CEP112: variants seen among roughly 807,000 people sequenced by gnomAD.
CEP112 encodes the protein centrosomal protein 112.
In CEP112, 127 loss-of-function variants were observed where a neutral mutation model predicts 153.0. That is an observed-to-expected ratio of 0.83 (90% CI 0.72 to 0.96). The LOEUF is 0.96. Among genes scored for constraint, CEP112 ranks in the 40% least tolerant of loss-of-function variants. The probability of loss-of-function intolerance (pLI) is 0.00; values close to 1 mark genes in which losing one functional copy is unlikely to be tolerated. For synonymous variants in CEP112, 358 were observed against 374.4 expected (o/e 0.96, Z 0.51); for missense variants, 1,089 against 1,101.2 (o/e 0.99, Z 0.16).
intron 21 of CEP112, among the ~76,000 whole-genome samples, chr17:65,752,470 T>A (rs2051939847): frequency 6.6e-6 from 1 of 152,190 alleles, no homozygotes; most frequent in Admixed American, 6.5e-5. Flanking sequence ...CAGAAGGGCA[T>A]CAAGGTGTTC....
In CEP112 at chr17:65,729,942, AACAAACAG is replaced by A. The variant is rs1300979924; in HGVS notation, c.2607+13118_2607+13125del. ...AAACAAACAAACAAACAAACAAACA[AACAAACAG>A]AAAAACCAATTAACCATATATAGTC... is the stretch of plus-strand genomic sequence containing the variant. On this transcript the variant is annotated intron_variant, in intron 23 of 26. Coordinates refer to ENST00000535342, the MANE Select transcript of CEP112 (RefSeq NM_001199165.4). Among the ~76,000 whole-genome samples the A allele has an allele frequency of 1.8e-3, 233 of 127,632 alleles. 1 individual carries two copies. The highest frequency in any genetic ancestry group is 3.2e-3 in the Admixed American group (40 of 12,320). The allele number at this position is 127,632 out of a possible 152,430, so 83.7% of individuals were successfully genotyped here.
chr17:65,787,071 T>C (rs985059567), intron 21 of CEP112, among the ~76,000 whole-genome samples: 6 of 152,240 alleles, frequency 3.9e-5, no homozygotes, highest in East Asian at 1.9e-4. Flanking sequence ...AGTCTATCTA[T>C]ACTTGTACCA....
At chr17:66,009,294 C>A (rs996882353) in intron 16 of CEP112, among the ~76,000 whole-genome samples, 2 of 150,370 alleles carry the variant, frequency 1.3e-5, no homozygotes, top group African/African-American at 4.9e-5. Context: ...TTTGCCTTTC[C>A]CTGATGATTA....
At chr17:66,154,870 ATTAAGAGGTGTGACCT>A (rs943757521) in intron 4 of CEP112, among the ~76,000 whole-genome samples, 12 of 152,218 alleles carry the variant, frequency 7.9e-5, no homozygotes, top group African/African-American at 2.9e-4. Context: ...TTATAACAAT[ATTAAGAGGTGTGACCT>A]TTAAGAGGTA....
intron 10 of CEP112, 57 bp downstream of exon 10, chr17:66,066,721 A>G: frequency 8.4e-7 from 1 of 1,195,708 alleles, no homozygotes; most frequent in South Asian, 1.7e-5. Flanking sequence ...TTTTCTCCAC[A>G]TCACTAAAAT....
intron 23 of CEP112, among the ~76,000 whole-genome samples, chr17:65,721,947 A>G (rs1465574098): frequency 6.6e-6 from 1 of 152,214 alleles, no homozygotes; most frequent in Non-Finnish European, 1.5e-5. Flanking sequence ...CCACTCTAAA[A>G]GCCAAGGGAA....
rs1184783326 is a variant in CEP112 at position 65,660,823 on chromosome 17, C to A, written c.2698-19758G>T. Among the ~76,000 whole-genome samples, 6 of 152,246 alleles carry A rather than the reference C, an allele frequency of 3.9e-5. No homozygotes were observed. In the East Asian group the frequency reaches 1.2e-3, roughly 30 times the overall value. On this transcript the variant is annotated intron_variant, in intron 24 of 26. Transcript: ENST00000535342. Reference sequence around the variant, plus strand: ...GCAATCCACCCACTTTGGCTTCCCACAGCGCCGCCTGGCCATACCTTGATT... The same window carrying A: ...GCAATCCACCCACTTTGGCTTCCCAAAGCGCCGCCTGGCCATACCTTGATT...
chr17:65,731,858 G>C (rs531522180), intron 23 of CEP112, among the ~76,000 whole-genome samples: 1 of 152,104 alleles, frequency 6.6e-6, no homozygotes, highest in Non-Finnish European at 1.5e-5. Context: ...CAATTCGGTC[G>C]CATCTTTAGG....
chr17:65,981,652 G>A (rs991107339), intron 17 of CEP112, among the ~76,000 whole-genome samples: 1 of 152,080 alleles, frequency 6.6e-6, no homozygotes, highest in Non-Finnish European at 1.5e-5. Context: ...TCAGCTCATT[G>A]CAGCCTCCAC....
chr17:66,128,442 C>T lies in CEP112; in HGVS notation c.642+1304G>A, dbSNP rs73992246. 9.3e-3 allele frequency among the ~76,000 whole-genome samples: 1,418 copies of T among 152,052 alleles called. 19 individuals carry two copies. Among genetic ancestry groups the T allele is most frequent in the African/African-American group, 0.031 (1,295 of 41,496 alleles). On this transcript the variant is annotated intron_variant, in intron 6 of 26. Coordinates refer to ENST00000535342, the MANE Select transcript of CEP112 (RefSeq NM_001199165.4). ...CCACCAAGTCAATTTCCCTAAAGCA[C>T]TGCTTTCATTAAAGACCATTATTAG... is the stretch of plus-strand genomic sequence containing the variant.
chr17:65,728,170 T>G (rs1214090673), intron 23 of CEP112, among the ~76,000 whole-genome samples: 4 of 152,236 alleles, frequency 2.6e-5, no homozygotes, highest in Non-Finnish European at 5.9e-5. Context: ...TTTGGCCCTT[T>G]ACAGAACAAG....
chr17:66,135,902 T>C (rs2070412866), intron 4 of CEP112, among the ~76,000 whole-genome samples: 1 of 152,094 alleles, frequency 6.6e-6, no homozygotes, highest in Non-Finnish European at 1.5e-5. Context: ...CAATCAAATG[T>C]CCTCCTGTAA....
intron 24 of CEP112, among the ~76,000 whole-genome samples, chr17:65,658,375 T>C (rs2143769188): frequency 6.6e-6 from 1 of 152,306 alleles, no homozygotes; most frequent in South Asian, 2.1e-4. Flanking sequence ...TCTGAGGTGA[T>C]GGCTATGGGA....
chr17:66,053,679 G>A (rs1417026526), intron 12 of CEP112, 57 bp downstream of exon 12: 13 of 1,541,798 alleles, frequency 8.4e-6, no homozygotes, highest in Non-Finnish European at 8.9e-6. Flanking sequence ...GAAACATGAG[G>A]ACATGGAAAT....
At chr17:66,149,683 G>A (rs767904546) in intron 4 of CEP112, among the ~76,000 whole-genome samples, 102 of 151,860 alleles carry the variant, frequency 6.7e-4, no homozygotes, top group Non-Finnish European at 1.0e-3. Flanking sequence ...TTTAGTTAAT[G>A]AGTCTTGTTT....
At chr17:65,762,872 A>G (rs1391039799) in intron 21 of CEP112, among the ~76,000 whole-genome samples, 1 of 152,020 alleles carries the variant, frequency 6.6e-6, no homozygotes, top group Non-Finnish European at 1.5e-5. Flanking sequence ...AAGAAAAATA[A>G]AAGTTTTAAT....
At chr17:65,715,034 GAGA>G (rs2049420373) in intron 23 of CEP112, among the ~76,000 whole-genome samples, 1 of 152,142 alleles carries the variant, frequency 6.6e-6, no homozygotes, top group African/African-American at 2.4e-5. Context: ...GAGTCCAGGG[GAGA>G]AGTAGTAAGT....
intron 17 of CEP112, among the ~76,000 whole-genome samples, chr17:65,994,297 A>G (rs4790920): frequency 0.41 from 62,429 of 151,998 alleles, 14,278 homozygotes; most frequent in East Asian, 0.87. Context: ...TTACCTCTCA[A>G]TCTGTGGGAC....
intron 6 of CEP112, among the ~76,000 whole-genome samples, chr17:66,098,600 T>C (rs2068440467): frequency 6.6e-6 from 1 of 152,158 alleles, no homozygotes. Context: ...AATATAGCAA[T>C]AGACAGGATA....
Sources: gnomAD v4.1 joint callset for allele counts (sites outside exome capture counted in the v4.1 genomes callset) on GRCh38, gnomAD v4.1.1 for gene constraint, MANE v1.5 for transcripts, NCBI Gene and HGNC (gene_info 2026-07-23, HGNC 2026-07-21) for gene names.